The following UNC13C variants were observed in gnomAD, a reference collection of about 807,000 sequenced individuals.
UNC13C encodes protein unc-13 homolog C.
A neutral mutation model predicts 245.4 loss-of-function variants in UNC13C; 174 were observed. The observed-to-expected ratio is 0.71, with a 90% confidence interval of 0.63 to 0.80. UNC13C has a LOEUF of 0.80. UNC13C is among the 30% of genes least tolerant of loss of function. The pLI, the probability that UNC13C is intolerant of heterozygous loss-of-function variation, is 0.00. For synonymous variants in UNC13C, 992 were observed against 895.1 expected (o/e 1.11, Z -1.93); for missense variants, 2,829 against 2,602.9 (o/e 1.09, Z -1.89).
chr15:54,049,769 A>G, intron 2 of UNC13C: 1 of 255,902 alleles, frequency 3.9e-6, no homozygotes, highest in Non-Finnish European at 8.0e-6. Context: ...ATAATCCAAT[A>G]GCAAACAATT....
chr15:54,145,367 A>G (rs1045050637), intron 4 of UNC13C, among the ~76,000 whole-genome samples: 4 of 152,168 alleles, frequency 2.6e-5, no homozygotes, highest in African/African-American at 9.6e-5. Context: ...AAATTAATAT[A>G]TATGTATCGT....
At chr15:54,239,882 A>C (rs950872709) in intron 7 of UNC13C, among the ~76,000 whole-genome samples, 1 of 152,222 alleles carries the variant, frequency 6.6e-6, no homozygotes, top group Non-Finnish European at 1.5e-5. Context: ...CAAAGCATCT[A>C]GTCTTCTTTT....
At chr15:54,375,966 C>CCTCTTTTTTTAATCACAATATTTT (rs2039598226) in intron 17 of UNC13C, among the ~76,000 whole-genome samples, 1 of 152,126 alleles carries the variant, frequency 6.6e-6, no homozygotes, top group Non-Finnish European at 1.5e-5. Flanking sequence ...AGCAAAATTT[C>CCTCTTTTTTTAATCACAATATTTT]CCCTTTTTTT....
At chr15:54,147,470 C>T (rs1236688510) in intron 4 of UNC13C, among the ~76,000 whole-genome samples, 3 of 152,032 alleles carry the variant, frequency 2.0e-5, no homozygotes, top group Admixed American at 6.5e-5. Context: ...CTGCCTGCCT[C>T]GGCCTCCCAA....
chr15:54,181,562 G>GT (rs1207072444), intron 4 of UNC13C, among the ~76,000 whole-genome samples: 3 of 151,962 alleles, frequency 2.0e-5, no homozygotes, highest in African/African-American at 7.2e-5. Context: ...TTTTAGAGTA[G>GT]TTTTTTCTAG....
chr15:54,166,328 A>AC (rs2033160924), intron 4 of UNC13C, among the ~76,000 whole-genome samples: 1 of 152,068 alleles, frequency 6.6e-6, no homozygotes, highest in Admixed American at 6.6e-5. Context: ...GACATGAAAA[A>AC]ATATTACTTA....
At chr15:54,144,541 C>T (rs143523258) in intron 4 of UNC13C, among the ~76,000 whole-genome samples, 2 of 152,118 alleles carry the variant, frequency 1.3e-5, no homozygotes, top group South Asian at 4.1e-4. Flanking sequence ...AGAGATGTTT[C>T]CTTCAGACAG....
intron 6 of UNC13C, 193 bp from the exon 7 acceptor site, chr15:54,237,426 T>C: frequency 1.5e-6 from 1 of 683,776 alleles, no homozygotes; most frequent in South Asian, 1.6e-5. Context: ...TGATGAGTTG[T>C]GGGATCGTTC....
At chr15:54,577,691 T>C (rs1466935594) in intron 30 of UNC13C, among the ~76,000 whole-genome samples, 1 of 152,162 alleles carries the variant, frequency 6.6e-6, no homozygotes, top group Non-Finnish European at 1.5e-5. Context: ...CCTCCCCTCA[T>C]GGTTTACCGA....
At chr15:54,291,763 A>C (rs1567164423) in intron 10 of UNC13C, among the ~76,000 whole-genome samples, 1 of 152,040 alleles carries the variant, frequency 6.6e-6, no homozygotes, top group African/African-American at 2.4e-5. Context: ...AGACCCAGTG[A>C]ATCACTTTTA....
At chr15:54,518,420 C>G (rs1216537376) in intron 24 of UNC13C, among the ~76,000 whole-genome samples, 1 of 151,940 alleles carries the variant, frequency 6.6e-6, no homozygotes, top group Non-Finnish European at 1.5e-5. Flanking sequence ...ACTCACCTCT[C>G]TCTGAACCTT....
the UNC13C span, among the ~76,000 whole-genome samples, chr15:53,856,372 GT>G: frequency 6.1e-5 from 8 of 131,612 alleles, no homozygotes; most frequent in Admixed American, 7.9e-5. Flanking sequence ...TGGTTCTCTA[GT>G]TTTTTTTTGT....
intron 2 of UNC13C, among the ~76,000 whole-genome samples, chr15:54,080,881 T>A (rs537384025): frequency 6.6e-6 from 1 of 152,208 alleles, no homozygotes; most frequent in African/African-American, 2.4e-5. Context: ...TTTTTCTAGT[T>A]CCTTTAGGTG....
intron 13 of UNC13C, among the ~76,000 whole-genome samples, chr15:54,304,936 A>G (rs574260134): frequency 6.6e-6 from 1 of 152,068 alleles, no homozygotes; most frequent in Non-Finnish European, 1.5e-5. Flanking sequence ...TTATACAAAA[A>G]TATACGTGTA....
rs1408241565 is a variant in UNC13C, at chr15:54,202,020, A to G, written c.3072-33010A>G. Among the ~76,000 whole-genome samples the G allele has an allele frequency of 2.0e-5, 3 of 151,966 alleles. No individual in the cohort carries two copies. The East Asian group carries it at 5.8e-4, about 29-fold the overall frequency. On this transcript the variant is annotated intron_variant, in intron 4 of 32. Transcript: ENST00000260323. ...TTGGTAGCTCTGCTATACACCAGCA[A>G]TGAGCAAGCTGAGAATCAAATCAAG...
At chr15:53,945,331 A>G in the UNC13C span, among the ~76,000 whole-genome samples, 3 of 152,182 alleles carry the variant, frequency 2.0e-5, no homozygotes, top group Non-Finnish European at 4.4e-5. Flanking sequence ...TCCTATGTTC[A>G]GAATGGTATT....
chr15:54,628,506 C>T lies in UNC13C; in HGVS notation c.*1393C>T, dbSNP rs915182885. On this transcript the variant is annotated 3_prime_UTR_variant, in exon 33 of 33. Coordinates refer to ENST00000260323, the MANE Select transcript of UNC13C (RefSeq NM_001080534.3). ...GTGAGGTGAGCTAATTCATGTTAAA[C>T]TGTTAGGCCACTGCTTTGTTAATGA... 1.3e-5 allele frequency: 2 copies of T among 152,580 alleles called. No homozygotes were observed. Among genetic ancestry groups the T allele is most frequent in the Admixed American group, 1.3e-4 (2 of 15,254 alleles). 9.5% of individuals were successfully genotyped at this position (152,580 alleles called of 1,614,324 possible).
chr15:54,217,292 AG>A (rs771385052), intron 4 of UNC13C, among the ~76,000 whole-genome samples: 1 of 151,968 alleles, frequency 6.6e-6, no homozygotes, highest in Non-Finnish European at 1.5e-5. Context: ...GGGCAAGGCA[AG>A]GAAGTAGCTC....
chr15:54,091,650 T>C lies in UNC13C; in HGVS notation c.2984-51368T>C, dbSNP rs1420347195. On this transcript the variant is annotated intron_variant, in intron 2 of 32. Coordinates refer to ENST00000260323, the MANE Select transcript of UNC13C (RefSeq NM_001080534.3). The stretch of plus-strand genomic sequence containing the variant: ...CTTTGAATGGGAATATTTTATTGTA[T>C]TTTCTAACAGGATATTGCTAGTATA... Among the ~76,000 whole-genome samples the C allele has an allele frequency of 2.0e-5, 3 of 152,196 alleles. No individual in the cohort carries two copies. The East Asian group carries it at 5.8e-4, about 29-fold the overall frequency.
Sources: gnomAD v4.1 joint callset for allele counts (sites outside exome capture counted in the v4.1 genomes callset) on GRCh38, gnomAD v4.1.1 for gene constraint, MANE v1.5 for transcripts, NCBI Gene and HGNC (gene_info 2026-07-23, HGNC 2026-07-21) for gene names.